The following CNTN3 variants were observed in gnomAD, a reference collection of about 807,000 sequenced individuals.
CNTN3 encodes the protein contactin-3.
CNTN3 carries 60 observed loss-of-function variants against 119.1 expected under a neutral mutation model. The ratio of observed to expected loss-of-function variants is 0.50; its 90% CI spans 0.41 to 0.62. CNTN3 has a LOEUF of 0.62. Among genes scored for constraint, CNTN3 ranks in the 20% least tolerant of loss-of-function variants. The pLI is 0.00. For missense variants in CNTN3, 1,101 were observed against 1,242.4 expected (o/e 0.89, Z 1.71); for synonymous variants, 450 against 438.7 (o/e 1.03, Z -0.32).
intron 5 of CNTN3, among the ~76,000 whole-genome samples, chr3:74,384,131 T>C (rs77929310): frequency 0.029 from 4,485 of 152,316 alleles, 119 homozygotes; most frequent in African/African-American, 0.073. Context: ...ATTTACTACT[T>C]AAATAATTTT....
intron 5 of CNTN3, among the ~76,000 whole-genome samples, chr3:74,379,639 G>A (rs1490159269): frequency 6.6e-6 from 1 of 152,064 alleles, no homozygotes; most frequent in African/African-American, 2.4e-5. Context: ...TTATTTTAAA[G>A]AGAACATCTC....
At chr3:74,331,831 C>CA (rs541620712) in intron 13 of CNTN3, among the ~76,000 whole-genome samples, 1 of 152,076 alleles carries the variant, frequency 6.6e-6, no homozygotes, top group East Asian at 1.9e-4. Flanking sequence ...TCCAATTGTG[C>CA]AAAAATCTGT....
Position 74,264,474 on chromosome 3 carries a change from G to T in CNTN3, c.3014C>A (p.Ala1005Asp). ...TGACATAGGGTGGACATTCGAGATG[G>T]CTGAAGTGGATCCTCTTGCATCCAT... ...TSMDARGSTS[A>D]ISNVHPMSSY... The change falls in exon 23 of 23, where the codon GCC (alanine) becomes GAC (aspartate). Residue 1005 changes from alanine (A) to aspartate (D), a missense_variant. Coordinates refer to ENST00000263665, the MANE Select transcript of CNTN3 (RefSeq NM_020872.3). 6.2e-7 allele frequency: 1 copy of T among 1,611,750 alleles called. No individual in the cohort carries two copies. The highest frequency in any genetic ancestry group is 8.5e-7 in the Non-Finnish European group (1 of 1,178,338).
intron 1 of CNTN3, among the ~76,000 whole-genome samples, chr3:74,552,978 G>A (rs1386038727): frequency 6.6e-6 from 1 of 152,086 alleles, no homozygotes; most frequent in African/African-American, 2.4e-5. Flanking sequence ...AGTTACATGT[G>A]CAGAACGTGC....
At chr3:74,277,078 A>C (rs1456194458) in intron 20 of CNTN3, among the ~76,000 whole-genome samples, 1 of 152,178 alleles carries the variant, frequency 6.6e-6, no homozygotes, top group African/African-American at 2.4e-5. Context: ...CCTAGCTTAA[A>C]TCAGGAAGAA....
intron 1 of CNTN3, among the ~76,000 whole-genome samples, chr3:74,535,006 T>A (rs531391723): frequency 6.6e-6 from 1 of 152,102 alleles, no homozygotes; most frequent in East Asian, 2.0e-4. Flanking sequence ...CTGCTATGAT[T>A]TCAAAAAAAT....
rs77400323 is a variant in CNTN3, at chr3:74,301,317, G to A, written c.2095+81C>T. 6.1e-3 allele frequency: 8,447 copies of A among 1,387,770 alleles called. 422 individuals are homozygous for A. In the East Asian group the frequency reaches 0.1, roughly 17 times the overall value. The allele number at this position is 1,387,770 out of a possible 1,614,324, so 86.0% of individuals were successfully genotyped here. On this transcript the variant is annotated intron_variant, in intron 16 of 22. Transcript: ENST00000263665. Reference sequence around the variant, plus strand: ...AATGGATTATTGAGGCTGACCCCCTGCTGGCCTGGAGTTCAGGGCCAAGGG... The same window carrying A: ...AATGGATTATTGAGGCTGACCCCCTACTGGCCTGGAGTTCAGGGCCAAGGG...
intron 2 of CNTN3, 40 bp downstream of exon 2, chr3:74,521,018 C>G: frequency 7.5e-7 from 1 of 1,333,834 alleles, no homozygotes; most frequent in Non-Finnish European, 1.1e-6. Flanking sequence ...CTCGAGTATA[C>G]TTCTAACCTC....
At chr3:74,495,527 C>A (rs1703045777) in intron 3 of CNTN3, among the ~76,000 whole-genome samples, 1 of 151,946 alleles carries the variant, frequency 6.6e-6, no homozygotes, top group African/African-American at 2.4e-5. Flanking sequence ...GTATAGTACT[C>A]TGTGTGCCTA....
chr3:74,361,690 T>C (rs1324946935), intron 11 of CNTN3, among the ~76,000 whole-genome samples, 200 bp downstream of exon 11: 1 of 152,184 alleles, frequency 6.6e-6, no homozygotes, highest in Non-Finnish European at 1.5e-5. Context: ...ACCTTGGATA[T>C]ATTTTCTGTG....
At chr3:74,303,809 C>T (rs887365921) in intron 13 of CNTN3, among the ~76,000 whole-genome samples, 4 of 152,124 alleles carry the variant, frequency 2.6e-5, no homozygotes, top group Non-Finnish European at 5.9e-5. Flanking sequence ...GTTAAATGGA[C>T]CTCATTTTAA....
At chr3:74,399,473 C>T (rs1705136715) in intron 5 of CNTN3, among the ~76,000 whole-genome samples, 2 of 152,138 alleles carry the variant, frequency 1.3e-5, no homozygotes, top group Non-Finnish European at 2.9e-5. Context: ...ATGACATGAT[C>T]TCATGTTTTT....
intron 2 of CNTN3, among the ~76,000 whole-genome samples, chr3:74,500,088 A>G (rs1188224092): frequency 1.3e-5 from 2 of 151,226 alleles, no homozygotes; most frequent in Non-Finnish European, 3.0e-5. Context: ...TGGTGAATAA[A>G]CTATTACACC....
chr3:74,426,945 T>A (rs1449796450), intron 4 of CNTN3, among the ~76,000 whole-genome samples: 1 of 152,240 alleles, frequency 6.6e-6, no homozygotes, highest in Non-Finnish European at 1.5e-5. Context: ...TCTTCTGCCA[T>A]ACAATTTCAC....
chr3:74,341,735 C>T lies in CNTN3; in HGVS notation c.1365-5077G>A, dbSNP rs57023160. 5.4e-3 allele frequency among the ~76,000 whole-genome samples: 822 copies of T among 152,184 alleles called. 12 individuals are homozygous for T. The highest frequency in any genetic ancestry group is 0.019 in the African/African-American group (788 of 41,544). Reference sequence around the variant, plus strand: ...AAACTTTGTTTGTTCATAAAGTATACTGTTGTCTAGACAACATTGACCTGT... The same window carrying T: ...AAACTTTGTTTGTTCATAAAGTATATTGTTGTCTAGACAACATTGACCTGT... On this transcript the variant is annotated intron_variant, in intron 11 of 22. Transcript: ENST00000263665.
chr3:74,560,714 C>T (rs1575830164), intron 1 of CNTN3, among the ~76,000 whole-genome samples: 1 of 152,030 alleles, frequency 6.6e-6, no homozygotes, highest in African/African-American at 2.4e-5. Context: ...GCTATAAAGA[C>T]ACATGCACAC....
chr3:74,364,387 A>G (rs1704142084), intron 10 of CNTN3, 80 bp downstream of exon 10: 1 of 1,382,168 alleles, frequency 7.2e-7, no homozygotes, highest in African/African-American at 1.5e-5. Context: ...CTAATGTGAA[A>G]AGTAAATATT....
At chr3:74,587,896 G>C (rs1186855184) in intron 1 of CNTN3, among the ~76,000 whole-genome samples, 1 of 151,814 alleles carries the variant, frequency 6.6e-6, no homozygotes, top group African/African-American at 2.4e-5. Flanking sequence ...AATGCTTCCA[G>C]CTTTTGCCCA....
chr3:74,361,504 G>A (rs998411858), intron 11 of CNTN3, among the ~76,000 whole-genome samples: 1 of 152,148 alleles, frequency 6.6e-6, no homozygotes, highest in Non-Finnish European at 1.5e-5. Context: ...TTTGAGTATA[G>A]GATAACAGCA....
Sources: allele counts gnomAD v4.1 joint callset (sites outside exome capture counted in the v4.1 genomes callset), GRCh38; gene constraint gnomAD v4.1.1; transcripts MANE v1.5; gene names NCBI Gene and HGNC (gene_info 2026-07-23, HGNC 2026-07-21).